Variants in SPIC observed in about 807,000 individuals in gnomAD.
The protein encoded by SPIC is Spi-C transcription factor.
SPIC carries 9 observed loss-of-function variants against 16.7 expected under a neutral mutation model. That is an observed-to-expected ratio of 0.54 (90% CI 0.33 to 0.94). The LOEUF is 0.94. SPIC is among the 40% of genes least tolerant of loss of function. The pLI is 0.03. For synonymous variants in SPIC, 97 were observed against 102.9 expected, an observed-to-expected ratio of 0.94 and a Z score of 0.35; for missense variants, 241 against 285.8, an observed-to-expected ratio of 0.84 and a Z score of 1.13.
intron 4 of SPIC, among the ~76,000 whole-genome samples, chr12:101,480,977 A>G (rs1387143271): frequency 5.3e-5 from 8 of 151,822 alleles, no homozygotes; most frequent in African/African-American, 1.9e-4. Context: ...TTCAGCTCCC[A>G]TTTTCTAGCA....
chr12:101,478,491 G>A (rs1340579740), intron 3 of SPIC, among the ~76,000 whole-genome samples: 2 of 152,108 alleles, frequency 1.3e-5, no homozygotes, highest in Non-Finnish European at 2.9e-5. Flanking sequence ...AATATGTCCA[G>A]GAGTATCTAG....
chr12:101,479,093 C>T (rs561506106), intron 3 of SPIC, among the ~76,000 whole-genome samples: 27 of 144,892 alleles, frequency 1.9e-4, no homozygotes, highest in African/African-American at 6.7e-4. Flanking sequence ...ACCGAAATAA[C>T]GTGGCCGCAC....
At chr12:101,480,694 A>G (rs1873159689) in intron 4 of SPIC, among the ~76,000 whole-genome samples, 2 of 152,152 alleles carry the variant, frequency 1.3e-5, no homozygotes, top group Non-Finnish European at 2.9e-5. Context: ...TTATTTTAAG[A>G]GAGTGCTTTG....
intron 3 of SPIC, among the ~76,000 whole-genome samples, chr12:101,479,288 GAAAGAAAGAAAGAAAGAAA>G (rs1219387395): frequency 0.019 from 662 of 35,112 alleles, 51 homozygotes; most frequent in African/African-American, 0.091. Flanking sequence ...GAAAGAAAAA[GAAAGAAAGAAAGAAAGAAA>G]AAAGAAAGAA....
rs928759824 is a variant in SPIC at position 101,477,412 on chromosome 12, C to T, written c.4-146C>T. ...AACATCGTACAATGCACAGGCAGCC[C>T]CCCTGACAACAGAGACAGCCAACAC... is the stretch of plus-strand genomic sequence containing the variant. On this transcript the variant is annotated intron_variant, in intron 2 of 5. Coordinates refer to ENST00000551346, the MANE Select transcript of SPIC (RefSeq NM_152323.3). The T allele has an allele frequency of 9.9e-6, 7 of 709,618 alleles. No homozygotes were observed. In the African/African-American group the frequency reaches 1.1e-4, roughly 11 times the overall value. The allele number at this position is 709,618 out of a possible 1,614,324, so 44.0% of individuals were successfully genotyped here. A position where few individuals can be genotyped will look rare whatever the true frequency, so the allele number is the denominator to read the frequency against.
intron 1 of SPIC, among the ~76,000 whole-genome samples, chr12:101,476,171 G>T (rs1421233609): frequency 6.6e-6 from 1 of 152,086 alleles, no homozygotes; most frequent in African/African-American, 2.4e-5. Flanking sequence ...GTTTTTGTTT[G>T]TTTGTTCCCT....
chr12:101,477,722 A>C, intron 3 of SPIC, 71 bp downstream of exon 3: 1 of 1,340,196 alleles, frequency 7.5e-7, no homozygotes, highest in South Asian at 1.2e-5. Context: ...ACATATAAGA[A>C]TAATGATCAG....
At chr12:101,481,744 C>A (rs1217818318) in intron 4 of SPIC, among the ~76,000 whole-genome samples, 6 of 151,018 alleles carry the variant, frequency 4.0e-5, no homozygotes, top group Non-Finnish European at 7.4e-5. Context: ...AAACACCTGA[C>A]CTCAGGTGAT....
At chr12:101,482,395 T>G (rs1312373086) in intron 4 of SPIC, among the ~76,000 whole-genome samples, 1 of 152,128 alleles carries the variant, frequency 6.6e-6, no homozygotes, top group South Asian at 2.1e-4. Flanking sequence ...AAATTTTTAT[T>G]GTTTTCATTA....
In SPIC at chr12:101,479,239, A is replaced by G. The variant is rs1376234367; in HGVS notation, c.98-343A>G. On this transcript the variant is annotated intron_variant, in intron 3 of 5. Transcript: ENST00000551346. The stretch of plus-strand genomic sequence containing the variant: ...AAGAAAGAAGGAAAGAAAGAAAGAA[A>G]GAAAAAGAAAGAAAGAAGGAAGGAA... Among the ~76,000 whole-genome samples the G allele has an allele frequency of 1.5e-3, 151 of 100,122 alleles. 2 individuals carry two copies. The highest frequency in any genetic ancestry group is 4.9e-3 in the Middle Eastern group (1 of 206). 65.7% of individuals were successfully genotyped at this position (100,122 alleles called of 152,430 possible).
intron 4 of SPIC, 56 bp downstream of exon 4, chr12:101,479,750 C>G: frequency 2.3e-6 from 3 of 1,317,918 alleles, no homozygotes; most frequent in Non-Finnish European, 2.2e-6. Context: ...TGCCAGCCTT[C>G]CATTTCACAT....
intron 3 of SPIC, among the ~76,000 whole-genome samples, chr12:101,479,221 A>AC (rs1873075974): frequency 3.0e-5 from 3 of 99,988 alleles, no homozygotes; most frequent in Non-Finnish European, 6.4e-5. Context: ...AGAAAGAAAG[A>AC]AGGAAAGAAA....
chr12:101,477,441 A>G, intron 2 of SPIC, 117 bp from the exon 3 acceptor site: 1 of 919,932 alleles, frequency 1.1e-6, no homozygotes, highest in Non-Finnish European at 1.7e-6. Context: ...CCAACACCAA[A>G]TGCCCATAGT....
intron 4 of SPIC, among the ~76,000 whole-genome samples, chr12:101,479,986 TC>T (rs1410809868): frequency 2.0e-5 from 3 of 151,922 alleles, no homozygotes; most frequent in African/African-American, 7.3e-5. Context: ...CCAGTTAACT[TC>T]TGTATTTTTA....
intron 4 of SPIC, among the ~76,000 whole-genome samples, chr12:101,482,016 G>T (rs1235984371): frequency 2.1e-5 from 3 of 142,174 alleles, no homozygotes; most frequent in Non-Finnish European, 4.6e-5. Flanking sequence ...GCCGAGGCAG[G>T]TGGATCGCCT....
chr12:101,477,809 G>T (rs137872592), intron 3 of SPIC, among the ~76,000 whole-genome samples, 158 bp downstream of exon 3: 34 of 152,190 alleles, frequency 2.2e-4, no homozygotes, highest in African/African-American at 8.2e-4. Context: ...TTAAGACCAG[G>T]AATTCAAGAC....
At chr12:101,483,781 A>G (rs891541674) in intron 5 of SPIC, among the ~76,000 whole-genome samples, 2 of 151,856 alleles carry the variant, frequency 1.3e-5, no homozygotes, top group East Asian at 1.9e-4. Flanking sequence ...TATTTTTAGT[A>G]GAGACGGGGT....
rs781117812 is a variant in SPIC at position 101,477,605 on chromosome 12, T to C, written c.51T>C (p.Phe17=). The change falls in exon 3 of 6, where the codon TTT becomes TTC. Residue 17 remains phenylalanine, a synonymous_variant. Transcript: ENST00000551346. ...TGGGTCAAGCATTTGAAGATGCTTTTGAGGTTCTGAGGCAACATTCAACTG... is the reference window on the plus strand; with the variant it reads ...TGGGTCAAGCATTTGAAGATGCTTTCGAGGTTCTGAGGCAACATTCAACTG... ...DKLGQAFEDA[F]EVLRQHSTGD... 4.3e-6 allele frequency: 7 copies of C among 1,613,464 alleles called. No homozygotes were observed. The highest frequency in any genetic ancestry group is 4.0e-5 in the African/African-American group (3 of 74,932).
rs368241534 is a variant in SPIC, at chr12:101,477,559, C to T, written c.5C>T (p.Thr2Met). The change falls in exon 3 of 6, where the codon ACG becomes ATG. Residue 2 changes from threonine to methionine, a missense_variant and splice_region_variant. Physicochemically the swap from Thr to Met is moderately conservative, Grantham distance 81. Transcript: ENST00000551346. M[T>M]CVEQDKLGQA... ...AGAATTCTATCATTGTTCCAACAGA[C>T]GTGTGTTGAACAAGACAAGCTGGGT... The T allele has an allele frequency of 3.0e-5, 48 of 1,613,546 alleles. No homozygotes were observed. The highest frequency in any genetic ancestry group is 4.1e-5 in the Non-Finnish European group (48 of 1,179,616).
Sources: gnomAD v4.1 joint callset for allele counts (sites outside exome capture counted in the v4.1 genomes callset) on GRCh38, gnomAD v4.1.1 for gene constraint, MANE v1.5 for transcripts, NCBI Gene and HGNC (gene_info 2026-07-23, HGNC 2026-07-21) for gene names.